DCN: variants seen among roughly 807,000 people sequenced by gnomAD.
DCN encodes the protein decorin.
DCN carries 17 observed loss-of-function variants against 36.5 expected under a neutral mutation model. The observed-to-expected ratio is 0.47, with a 90% confidence interval of 0.32 to 0.70. The LOEUF is 0.70. DCN is among the 30% of genes least tolerant of loss of function. DCN has a pLI of 0.04. For missense variants in DCN, 389 were observed against 430.1 expected (o/e 0.90, Z 0.84); for synonymous variants, 163 against 161.4 (o/e 1.01, Z -0.07).
chr12:91,147,203 G>T (rs1881082312), intron 7 of DCN, among the ~76,000 whole-genome samples: 2 of 152,096 alleles, frequency 1.3e-5, no homozygotes, highest in East Asian at 3.9e-4. Context: ...CCAGTCATCT[G>T]GTCTACTTGC....
chr12:91,172,933 A>G (rs1592705467), intron 2 of DCN: 1 of 524,732 alleles, frequency 1.9e-6, no homozygotes, highest in African/African-American at 2.0e-5. Flanking sequence ...ACAGATATGT[A>G]TATATAATTG....
chr12:91,167,927 G>A (rs3138294), intron 2 of DCN, among the ~76,000 whole-genome samples: 2 of 151,936 alleles, frequency 1.3e-5, no homozygotes, highest in African/African-American at 4.8e-5. Flanking sequence ...TTTAACCTCC[G>A]CCTCCCGATT....
At chr12:91,161,117 T>C (rs1367006189) in intron 3 of DCN, among the ~76,000 whole-genome samples, 1 of 152,226 alleles carries the variant, frequency 6.6e-6, no homozygotes, top group African/African-American at 2.4e-5. Context: ...TAACATCCTC[T>C]GAATGGTTGA....
intron 3 of DCN, among the ~76,000 whole-genome samples, chr12:91,164,133 G>A (rs1011047680): frequency 1.3e-5 from 2 of 151,788 alleles, no homozygotes; most frequent in Admixed American, 6.6e-5. Flanking sequence ...ACCAAACACC[G>A]CATATTCTCA....
At chr12:91,176,935 G>C (rs984304819) in intron 2 of DCN, 1 of 152,170 alleles carries the variant, frequency 6.6e-6, no homozygotes, top group African/African-American at 2.4e-5. Context: ...GTCATCTCTA[G>C]ATGCTTATAA....
intron 1 of DCN, 83 bp from the exon 2 acceptor site, chr12:91,178,668 G>T: frequency 1.2e-6 from 1 of 820,448 alleles, no homozygotes; most frequent in Non-Finnish European, 2.1e-6. Flanking sequence ...ACAATACAGT[G>T]AGCACAGAGA....
At chr12:91,173,141 T>C (rs1299864996) in intron 2 of DCN, among the ~76,000 whole-genome samples, 1 of 152,120 alleles carries the variant, frequency 6.6e-6, no homozygotes, top group African/African-American at 2.4e-5. Flanking sequence ...TGAGGAACTA[T>C]GTAATCTTTT....
In DCN at chr12:91,153,103, A is replaced by C; in HGVS notation, c.739T>G (p.Leu247Val). The C allele has an allele frequency of 2.5e-6, 4 of 1,583,016 alleles. No homozygotes were observed. The highest frequency in any genetic ancestry group is 3.5e-6 in the Non-Finnish European group (4 of 1,151,742). The change falls in exon 6 of 8, where the codon TTG becomes GTG. Residue 247 changes from leucine (L) to valine (V), a missense_variant. Transcript: ENST00000052754. ...ATGAAAGAATATTATTACTTAGCCA[A>C]ATTATTCAGTCCTTTCAGGCTAGCT... ...DAASLKGLNN[L>V]AKLGLSFNSI...
At chr12:91,152,033 C>G (rs1881465947) in intron 6 of DCN, among the ~76,000 whole-genome samples, 5 of 152,096 alleles carry the variant, frequency 3.3e-5, no homozygotes. Flanking sequence ...GACATAGTCT[C>G]CTATTCCTTA....
At chr12:91,178,295 AG>A (rs1405316133) in intron 2 of DCN, 46 bp downstream of exon 2, 32 of 1,540,156 alleles carry the variant, frequency 2.1e-5, no homozygotes, top group Non-Finnish European at 2.8e-5. Context: ...GCCATTCCCA[AG>A]AATAAAACAA....
chr12:91,163,492 T>G (rs3138225), intron 3 of DCN, among the ~76,000 whole-genome samples: 5,227 of 152,262 alleles, frequency 0.034, 299 homozygotes, highest in African/African-American at 0.12. Context: ...CAAATTCTTC[T>G]AGACCTTTGT....
intron 1 of DCN, chr12:91,180,580 G>C (rs1330052473): frequency 1.3e-5 from 2 of 152,090 alleles, no homozygotes; most frequent in East Asian, 3.9e-4. Flanking sequence ...GTTGAATACA[G>C]GCTTGTGGCT....
intron 2 of DCN, among the ~76,000 whole-genome samples, chr12:91,165,766 T>C (rs999651519): frequency 7.9e-5 from 12 of 152,126 alleles, no homozygotes; most frequent in African/African-American, 2.4e-4. Context: ...AATCTCTCCA[T>C]CATATCTGAA....
At chr12:91,158,603 A>G in intron 3 of DCN, 94 bp from the exon 4 acceptor site, 1 of 761,848 alleles carries the variant, frequency 1.3e-6, no homozygotes, top group Non-Finnish European at 2.3e-6. Flanking sequence ...TCATAGGGAT[A>G]GCAGAGAAAT....
intron 1 of DCN, chr12:91,179,473 T>G (rs1934666150): frequency 6.6e-6 from 1 of 152,314 alleles, no homozygotes; most frequent in African/African-American, 2.4e-5. Flanking sequence ...CAAAGCACGT[T>G]GCTCTTACCT....
At chr12:91,164,400 C>T (rs1038603862) in intron 3 of DCN, among the ~76,000 whole-genome samples, 3 of 78,914 alleles carry the variant, frequency 3.8e-5, no homozygotes, top group African/African-American at 1.8e-4. Flanking sequence ...AAGCATAATT[C>T]AAAAAAAAAA....
Position 91,143,097 on chromosome 12 carries a change from T to G in DCN, c.*2961A>C, listed in dbSNP as rs555590012. ...CATGAGAGAGAAGGCCATGTGAGGG[T>G]GAAGATGGAGGCATAAATTAGAGTC... On this transcript the variant is annotated 3_prime_UTR_variant, in exon 8 of 8. Coordinates refer to ENST00000052754, the MANE Select transcript of DCN (RefSeq NM_001920.5). 3 of 151,798 alleles carry G rather than the reference T, an allele frequency of 2.0e-5. No homozygotes were observed. Among genetic ancestry groups the G allele is most frequent in the Non-Finnish European group, 4.4e-5 (3 of 67,942 alleles). The allele number at this position is 151,798 out of a possible 1,614,324, so 9.4% of individuals were successfully genotyped here. A position where few individuals can be genotyped will look rare whatever the true frequency, so the allele number is the denominator to read the frequency against.
chr12:91,178,273 ACT>A (rs1156358809), intron 2 of DCN, 67 bp downstream of exon 2: 3 of 1,358,228 alleles, frequency 2.2e-6, no homozygotes, highest in Non-Finnish European at 3.2e-6. Context: ...AAAATGCTAA[ACT>A]CTCAGAGTTG....
At chr12:91,153,274 A>G in intron 5 of DCN, 85 bp from the exon 6 acceptor site, 2 of 805,834 alleles carry the variant, frequency 2.5e-6, no homozygotes, top group Non-Finnish European at 2.2e-6. Flanking sequence ...GACATATGCC[A>G]TCAATTTTCT....
Sources: gnomAD v4.1 joint callset for allele counts (sites outside exome capture counted in the v4.1 genomes callset) on GRCh38, gnomAD v4.1.1 for gene constraint, MANE v1.5 for transcripts, NCBI Gene and HGNC (gene_info 2026-07-23, HGNC 2026-07-21) for gene names.